The following TLL1 variants were observed in gnomAD, a reference collection of about 807,000 sequenced individuals.
TLL1 encodes the protein tolloid-like protein 1.
A neutral mutation model predicts 128.2 loss-of-function variants in TLL1; 49 were observed. That is an observed-to-expected ratio of 0.38 (90% CI 0.30 to 0.48). The LOEUF (loss-of-function observed/expected upper bound fraction) is 0.48, where lower values mean the gene tolerates loss of function less well. Ranked by LOEUF, TLL1 falls within the 20% of genes least tolerant of loss-of-function variation. The probability of loss-of-function intolerance (pLI) is 0.96; values close to 1 mark genes in which losing one functional copy is unlikely to be tolerated. For missense variants in TLL1, 1,123 were observed against 1,242.0 expected (o/e 0.90, Z 1.44); for synonymous variants, 454 against 418.8 (o/e 1.08, Z -1.03).
At chr4:165,997,380 A>G (rs1426179026) in intron 5 of TLL1, among the ~76,000 whole-genome samples, 1 of 152,184 alleles carries the variant, frequency 6.6e-6, no homozygotes, top group Non-Finnish European at 1.5e-5. Context: ...TATCTAGTGT[A>G]ATTGTTCATT....
At chr4:165,969,451 A>G (rs993741955) in intron 1 of TLL1, among the ~76,000 whole-genome samples, 2 of 152,152 alleles carry the variant, frequency 1.3e-5, no homozygotes, top group African/African-American at 4.8e-5. Flanking sequence ...GGTGGAGTGC[A>G]TAACATTATA....
In TLL1 at chr4:166,027,182, A is replaced by G. The variant is rs562234425; in HGVS notation, c.1158+1751A>G. On this transcript the variant is annotated intron_variant, in intron 9 of 20. Coordinates refer to ENST00000061240, the MANE Select transcript of TLL1 (RefSeq NM_012464.5). Reference sequence around the variant, plus strand: ...AAGTTCTCATTTATAAGTGGGAGCTAAACATTGAGCACCCATAGACACAAA... The same window carrying G: ...AAGTTCTCATTTATAAGTGGGAGCTGAACATTGAGCACCCATAGACACAAA... 3.9e-5 allele frequency among the ~76,000 whole-genome samples: 6 copies of G among 152,238 alleles called. No homozygotes were observed. The East Asian group carries it at 7.7e-4, about 20-fold the overall frequency.
In TLL1 at chr4:166,048,390, C is replaced by T. The variant is rs1260280869; in HGVS notation, c.1524+4971C>T. Among the ~76,000 whole-genome samples, 8 of 152,204 alleles carry T rather than the reference C, an allele frequency of 5.3e-5. No individual in the cohort carries two copies. In the East Asian group the frequency reaches 9.7e-4, roughly 18 times the overall value. On this transcript the variant is annotated intron_variant, in intron 12 of 20. Coordinates refer to ENST00000061240, the MANE Select transcript of TLL1 (RefSeq NM_012464.5). ...CCTTGAAAACTATGGAAATAAATTT[C>T]GTGGTTTGTAAACCACCCTATCTAT...
At chr4:166,011,395 C>A (rs1410016531) in intron 7 of TLL1, among the ~76,000 whole-genome samples, 3 of 150,960 alleles carry the variant, frequency 2.0e-5, no homozygotes, top group African/African-American at 7.3e-5. Context: ...TTTTTTTATG[C>A]TGTTGTGAAT....
intron 8 of TLL1, among the ~76,000 whole-genome samples, chr4:166,022,735 T>C (rs2111065247): frequency 6.6e-6 from 1 of 152,238 alleles, no homozygotes; most frequent in East Asian, 1.9e-4. Context: ...CAATGCACAA[T>C]CTAAGTGGTG....
intron 1 of TLL1, among the ~76,000 whole-genome samples, chr4:165,918,436 A>G (rs1205772011): frequency 6.6e-6 from 1 of 152,192 alleles, no homozygotes; most frequent in Non-Finnish European, 1.5e-5. Flanking sequence ...TCTTAAAAAT[A>G]CTAATATTTA....
At chr4:166,013,726 T>C (rs550930272) in intron 7 of TLL1, among the ~76,000 whole-genome samples, 46 of 151,884 alleles carry the variant, frequency 3.0e-4, no homozygotes, top group African/African-American at 1.1e-3. Context: ...CTTTAGATCA[T>C]GCATATTAGG....
intron 1 of TLL1, among the ~76,000 whole-genome samples, chr4:165,928,723 A>G (rs567648522): frequency 1.3e-5 from 2 of 152,274 alleles, no homozygotes; most frequent in East Asian, 3.9e-4. Flanking sequence ...TTAGCTGTTC[A>G]CTCCTCTAGA....
At chr4:166,078,164 G>T in intron 18 of TLL1, 134 bp downstream of exon 18, 2 of 1,373,762 alleles carry the variant, frequency 1.5e-6, no homozygotes, top group Admixed American at 3.9e-5. Context: ...TTTGTCTCAT[G>T]CTTTCCTACT....
At position 166,059,220 on chromosome 4, in the gene TLL1, CACACAT is replaced by C. The variant is rs1483859394; in HGVS notation, c.1847-803_1847-798del. Among the ~76,000 whole-genome samples the C allele has an allele frequency of 3.9e-5, 6 of 151,950 alleles. No homozygotes were observed. In the South Asian group the frequency reaches 1.0e-3, roughly 26 times the overall value. ...ATGTATATGTGTATACACACACACA[CACACAT>C]ACACGTGCACAAAGACAAAAAAGGG... On this transcript the variant is annotated intron_variant, in intron 14 of 20. Coordinates refer to ENST00000061240, the MANE Select transcript of TLL1 (RefSeq NM_012464.5).
rs541142766 is a variant in TLL1 at position 166,060,205 on chromosome 4, T to C, written c.2007+17T>C. ...GGCAATGAAGTAAGTGAACAATAAC[T>C]GTAATTTTTTAAATCATGTTTTGGA... On this transcript the variant is annotated intron_variant, in intron 15 of 20. Coordinates refer to ENST00000061240, the MANE Select transcript of TLL1 (RefSeq NM_012464.5). The C allele has an allele frequency of 6.2e-7, 1 of 1,612,926 alleles. No homozygotes were observed. The highest frequency in any genetic ancestry group is 1.1e-5 in the South Asian group (1 of 91,040).
At chr4:165,886,244 G>A (rs980156222) in intron 1 of TLL1, among the ~76,000 whole-genome samples, 2 of 152,020 alleles carry the variant, frequency 1.3e-5, no homozygotes, top group Admixed American at 6.6e-5. Context: ...ATATTATCTT[G>A]GTCTACCTAC....
rs1736300908 is a variant in TLL1 at position 165,984,395 on chromosome 4, C to G, written c.170-4986C>G. Among the ~76,000 whole-genome samples, 3 of 151,840 alleles carry G rather than the reference C, an allele frequency of 2.0e-5. No homozygotes were observed. The South Asian group carries it at 6.2e-4, about 31-fold the overall frequency. ...ATTAGCTAAAATATATGTCTTAGAA[C>G]TTTTGCCAAGTCTTACTTTTCCTTG... On this transcript the variant is annotated intron_variant, in intron 1 of 20. Coordinates refer to ENST00000061240, the MANE Select transcript of TLL1 (RefSeq NM_012464.5).
intron 19 of TLL1, among the ~76,000 whole-genome samples, chr4:166,098,403 C>T (rs1426001554): frequency 6.8e-6 from 1 of 147,416 alleles, no homozygotes; most frequent in Non-Finnish European, 1.5e-5. Context: ...GTGTTTGAAA[C>T]CTTTTATTCT....
chr4:165,891,010 C>G (rs969602878), intron 1 of TLL1, among the ~76,000 whole-genome samples: 1 of 152,174 alleles, frequency 6.6e-6, no homozygotes, highest in Admixed American at 6.5e-5. Flanking sequence ...CTTCTGTGCA[C>G]CCCCAGGCAC....
At chr4:165,994,108 T>G (rs573238552) in intron 3 of TLL1, among the ~76,000 whole-genome samples, 1 of 152,280 alleles carries the variant, frequency 6.6e-6, no homozygotes, top group South Asian at 2.1e-4. Flanking sequence ...TAAGCCTGAC[T>G]GACTTCTATC....
At chr4:166,084,972 A>T (rs1741442349) in intron 18 of TLL1, among the ~76,000 whole-genome samples, 1 of 151,200 alleles carries the variant, frequency 6.6e-6, no homozygotes, top group Non-Finnish European at 1.5e-5. Context: ...AATGTTTTAT[A>T]GTTTTCAGTG....
intron 1 of TLL1, among the ~76,000 whole-genome samples, chr4:165,884,420 T>C (rs375146109): frequency 1.3e-4 from 20 of 152,328 alleles, no homozygotes; most frequent in East Asian, 9.6e-4. Context: ...AAGTAAGTAC[T>C]TTGTAGGCTT....
intron 7 of TLL1, 125 bp downstream of exon 7, chr4:166,008,173 G>T (rs1158519794): frequency 3.1e-6 from 2 of 637,978 alleles, no homozygotes; most frequent in East Asian, 5.9e-5. Context: ...GCAGAAAGTA[G>T]AAAAATAATT....
Sources: allele counts gnomAD v4.1 joint callset (sites outside exome capture counted in the v4.1 genomes callset), GRCh38; gene constraint gnomAD v4.1.1; transcripts MANE v1.5; gene names NCBI Gene and HGNC (gene_info 2026-07-23, HGNC 2026-07-21).